PKNOX2: variants seen among roughly 807,000 people sequenced by gnomAD.
The protein encoded by PKNOX2 is homeobox protein PKNOX2.
A neutral mutation model predicts 53.1 loss-of-function variants in PKNOX2; 14 were observed. That is an observed-to-expected ratio of 0.26 (90% CI 0.17 to 0.41). PKNOX2 has a LOEUF of 0.41. PKNOX2 is among the 10% of genes least tolerant of loss of function. The probability of loss-of-function intolerance (pLI) is 1.00; values close to 1 mark genes in which losing one functional copy is unlikely to be tolerated. For synonymous variants in PKNOX2, 257 were observed against 242.8 expected (o/e 1.06, Z -0.54); for missense variants, 496 against 602.8 (o/e 0.82, Z 1.85).
At chr11:125,169,187 G>C (rs1955102793) in intron 1 of PKNOX2, among the ~76,000 whole-genome samples, 1 of 152,212 alleles carries the variant, frequency 6.6e-6, no homozygotes, top group Admixed American at 6.5e-5. Flanking sequence ...GGGTGAAAAC[G>C]ATGCTGCAGA....
intron 1 of PKNOX2, among the ~76,000 whole-genome samples, chr11:125,195,267 G>C (rs1434084505): frequency 6.6e-6 from 1 of 152,228 alleles, no homozygotes; most frequent in Non-Finnish European, 1.5e-5. Flanking sequence ...AGGCTGGTCT[G>C]CTTCAAAGCA....
chr11:125,379,597 C>T (rs1393587730), intron 5 of PKNOX2, among the ~76,000 whole-genome samples: 2 of 152,074 alleles, frequency 1.3e-5, no homozygotes, highest in South Asian at 2.1e-4. Context: ...CCCCATGATG[C>T]TCTCCAAGGC....
chr11:125,337,226 C>T (rs573628137), intron 3 of PKNOX2, among the ~76,000 whole-genome samples: 57 of 152,130 alleles, frequency 3.7e-4, no homozygotes, highest in Non-Finnish European at 6.5e-4. Context: ...GTGGAAGGGT[C>T]GTTACAACGT....
intron 10 of PKNOX2, among the ~76,000 whole-genome samples, chr11:125,420,248 C>T (rs1340186726): frequency 1.4e-5 from 2 of 146,110 alleles, no homozygotes; most frequent in African/African-American, 5.0e-5. Flanking sequence ...AAAATGGGGG[C>T]CGGGCACGGT....
intron 5 of PKNOX2, among the ~76,000 whole-genome samples, chr11:125,385,154 C>T (rs1428571933): frequency 6.6e-6 from 1 of 152,206 alleles, no homozygotes; most frequent in Non-Finnish European, 1.5e-5. Context: ...CTATGACCTA[C>T]CACGAATGTT....
intron 3 of PKNOX2, among the ~76,000 whole-genome samples, chr11:125,350,473 C>T (rs1403347287): frequency 6.6e-6 from 1 of 151,530 alleles, no homozygotes; most frequent in Non-Finnish European, 1.5e-5. Flanking sequence ...CTGTCTTCTA[C>T]CAGCCAAAGA....
At chr11:125,213,964 C>T (rs1206900244) in intron 1 of PKNOX2, among the ~76,000 whole-genome samples, 1 of 152,114 alleles carries the variant, frequency 6.6e-6, no homozygotes, top group Non-Finnish European at 1.5e-5. Flanking sequence ...CCAGCACCTA[C>T]TGCTTGCCAG....
intron 2 of PKNOX2, among the ~76,000 whole-genome samples, chr11:125,329,580 A>T (rs1345204913): frequency 6.6e-6 from 1 of 152,242 alleles, no homozygotes; most frequent in Non-Finnish European, 1.5e-5. Context: ...ATGAGACAGG[A>T]TGTGACTAGA....
At position 125,180,763 on chromosome 11, in the gene PKNOX2, C is replaced by T. The variant is rs78036839; in HGVS notation, c.-201+15987C>T. Among the ~76,000 whole-genome samples the T allele has an allele frequency of 1.6e-4, 25 of 152,304 alleles. No homozygotes were observed. In the East Asian group the frequency reaches 4.8e-3, roughly 29 times the overall value. On this transcript the variant is annotated intron_variant, in intron 1 of 12. Transcript: ENST00000298282. ...CACATGGCCTGAGGGGCTGTAATTT[C>T]ACTCCAAGATCTCTGCTGCTGCTCC...
chr11:125,350,363 G>T (rs528895469), intron 3 of PKNOX2, among the ~76,000 whole-genome samples: 1 of 152,166 alleles, frequency 6.6e-6, no homozygotes, highest in African/African-American at 2.4e-5. Flanking sequence ...CAACAGTGGA[G>T]CAGGCCCAGA....
At chr11:125,215,032 C>T (rs1019520985) in intron 1 of PKNOX2, among the ~76,000 whole-genome samples, 2 of 152,018 alleles carry the variant, frequency 1.3e-5, no homozygotes, top group Non-Finnish European at 2.9e-5. Context: ...AGAGCGTCCG[C>T]GAAGGAAATA....
intron 2 of PKNOX2, among the ~76,000 whole-genome samples, chr11:125,308,753 G>T (rs561209509): frequency 6.6e-6 from 1 of 152,134 alleles, no homozygotes; most frequent in Admixed American, 6.5e-5. Context: ...TCCTGGTGAC[G>T]GCAGCTCTCC....
intron 6 of PKNOX2, among the ~76,000 whole-genome samples, chr11:125,389,828 T>C (rs11220045): frequency 0.36 from 54,634 of 151,978 alleles, 10,176 homozygotes; most frequent in Admixed American, 0.51. Context: ...ATTTATGGGG[T>C]ACATTTTAAT....
intron 10 of PKNOX2, among the ~76,000 whole-genome samples, chr11:125,426,368 C>T (rs930769135): frequency 2.0e-5 from 3 of 152,210 alleles, no homozygotes; most frequent in African/African-American, 7.2e-5. Context: ...AATAGAGAGG[C>T]TTTTTCCTCC....
In PKNOX2 at chr11:125,252,964, C is replaced by T. The variant is rs77454985; in HGVS notation, c.-130+17849C>T. On this transcript the variant is annotated intron_variant, in intron 2 of 12. Transcript: ENST00000298282. ...CTGTCCCAGGCAACACAACTCATAC[C>T]AAGGCCTTCGGCTATTCACCAGCAG... 8.4e-3 allele frequency among the ~76,000 whole-genome samples: 1,276 copies of T among 152,334 alleles called. 28 individuals carry two copies. The highest frequency in any genetic ancestry group is 0.029 in the African/African-American group (1,186 of 41,568).
intron 10 of PKNOX2, among the ~76,000 whole-genome samples, chr11:125,415,775 G>A (rs934429196): frequency 6.6e-6 from 1 of 152,180 alleles, no homozygotes; most frequent in Non-Finnish European, 1.5e-5. Context: ...ATATGCCATC[G>A]ATGTTCTCAC....
At chr11:125,340,911 G>A (rs7350532) in intron 3 of PKNOX2, among the ~76,000 whole-genome samples, 38,732 of 151,810 alleles carry the variant, frequency 0.26, 9,527 homozygotes, top group African/African-American at 0.65. Context: ...TTAGCCAGGC[G>A]TGGTGGCAGG....
intron 7 of PKNOX2, among the ~76,000 whole-genome samples, chr11:125,404,409 C>T (rs1443303182): frequency 6.6e-6 from 1 of 152,180 alleles, no homozygotes; most frequent in East Asian, 1.9e-4. Context: ...AGACCAAGGC[C>T]CCCAACAGGA....
chr11:125,332,905 A>G (rs778794149), intron 3 of PKNOX2, among the ~76,000 whole-genome samples: 34 of 152,172 alleles, frequency 2.2e-4, no homozygotes, highest in Admixed American at 7.2e-4. Flanking sequence ...CAGACTGGCA[A>G]CAATGCTCGT....
Sources: gnomAD v4.1 joint callset for allele counts (sites outside exome capture counted in the v4.1 genomes callset) on GRCh38, gnomAD v4.1.1 for gene constraint, MANE v1.5 for transcripts, NCBI Gene and HGNC (gene_info 2026-07-23, HGNC 2026-07-21) for gene names.